MDGA2: variants seen among roughly 807,000 people sequenced by gnomAD.
MDGA2 encodes MAM domain containing glycosylphosphatidylinositol anchor 2, also known as MAM domain-containing glycosylphosphatidylinositol anchor protein 2.
Under a neutral mutation model 117.8 loss-of-function variants are expected in MDGA2, and 40 were observed. The observed-to-expected ratio is 0.34, with a 90% CI of 0.26 to 0.44. MDGA2 has a LOEUF of 0.44. MDGA2 is among the 20% of genes least tolerant of loss of function. The pLI, the probability that MDGA2 is intolerant of heterozygous loss-of-function variation, is 1.00. For missense variants in MDGA2, 1,123 were observed against 1,250.6 expected (o/e 0.90, Z 1.54); for synonymous variants, 452 against 439.0 (o/e 1.03, Z -0.37).
chr14:47,669,320 T>C (rs1422507955), intron 1 of MDGA2, among the ~76,000 whole-genome samples: 1 of 152,222 alleles, frequency 6.6e-6, no homozygotes, highest in Non-Finnish European at 1.5e-5. Flanking sequence ...ATTACTTTTG[T>C]GACATCTATT....
chr14:47,184,208 T>C (rs1285481476), intron 3 of MDGA2, among the ~76,000 whole-genome samples: 10 of 152,162 alleles, frequency 6.6e-5, no homozygotes, highest in South Asian at 2.1e-4. Context: ...TATTGTCTTA[T>C]TGATTTAAAC....
chr14:47,295,685 C>T (rs1889040640), intron 2 of MDGA2, among the ~76,000 whole-genome samples: 1 of 152,022 alleles, frequency 6.6e-6, no homozygotes, highest in Non-Finnish European at 1.5e-5. Context: ...GGGCGAATCA[C>T]CCGAGGTCAG....
chr14:47,551,332 G>A (rs185492431), intron 1 of MDGA2, among the ~76,000 whole-genome samples: 1 of 152,108 alleles, frequency 6.6e-6, no homozygotes, highest in Non-Finnish European at 1.5e-5. Flanking sequence ...ACTGAAGCCT[G>A]TTCTTTGCCT....
Position 47,213,410 on chromosome 14 carries a change from A to G in MDGA2, c.595+4611T>C, listed in dbSNP as rs116430733. On this transcript the variant is annotated intron_variant, in intron 3 of 16. Coordinates refer to ENST00000399232, the MANE Select transcript of MDGA2 (RefSeq NM_001113498.3). The stretch of plus-strand genomic sequence containing the variant: ...CCTAATGTTTTGAAGTTGCATGCTG[A>G]TATGTGCATTGAAGATTTATTTCAT... Among the ~76,000 whole-genome samples, 1,062 of 152,278 alleles carry G rather than the reference A, an allele frequency of 7.0e-3. 15 individuals carry two copies. Among genetic ancestry groups the G allele is most frequent in the African/African-American group, 0.025 (1,026 of 41,580 alleles).
intron 8 of MDGA2, among the ~76,000 whole-genome samples, chr14:47,024,563 TA>T (rs1888406602): frequency 6.6e-6 from 1 of 152,172 alleles, no homozygotes; most frequent in African/African-American, 2.4e-5. Context: ...ATTATCTTCT[TA>T]AAAAGAAATG....
At chr14:47,441,978 T>C (rs534677268) in intron 1 of MDGA2, among the ~76,000 whole-genome samples, 17 of 152,100 alleles carry the variant, frequency 1.1e-4, no homozygotes, top group Non-Finnish European at 1.9e-4. Flanking sequence ...TCAAGTATAT[T>C]GATTTAAGGT....
intron 1 of MDGA2, among the ~76,000 whole-genome samples, chr14:47,494,807 C>T (rs997912654): frequency 4.0e-5 from 6 of 151,158 alleles, no homozygotes; most frequent in Non-Finnish European, 8.9e-5. Flanking sequence ...TATTTTTTCA[C>T]TTTGTCAAAG....
At chr14:46,950,292 A>G (rs1885324397) in intron 9 of MDGA2, among the ~76,000 whole-genome samples, 1 of 151,914 alleles carries the variant, frequency 6.6e-6, no homozygotes, top group Non-Finnish European at 1.5e-5. Context: ...ATCACTACTA[A>G]AAGAGTCACT....
In MDGA2 at chr14:47,354,822, TAACA is replaced by T. The variant is rs972616618; in HGVS notation, c.281-53276_281-53273del. On this transcript the variant is annotated intron_variant, in intron 1 of 16. Coordinates refer to ENST00000399232, the MANE Select transcript of MDGA2 (RefSeq NM_001113498.3). The stretch of plus-strand genomic sequence containing the variant: ...TGGTCACTGGTAATCTAGATCTGGC[TAACA>T]AACAGTGAAATTAACTGTGAAGATA... 1.0e-3 allele frequency among the ~76,000 whole-genome samples: 158 copies of T among 152,234 alleles called. 3 individuals carry two copies. The highest frequency in any genetic ancestry group is 3.4e-3 in the Middle Eastern group (1 of 294).
At chr14:47,450,479 T>A (rs1440587323) in intron 1 of MDGA2, among the ~76,000 whole-genome samples, 1 of 152,070 alleles carries the variant, frequency 6.6e-6, no homozygotes, top group Admixed American at 6.6e-5. Flanking sequence ...GACAATGACA[T>A]CATTAACATT....
intron 2 of MDGA2, among the ~76,000 whole-genome samples, chr14:47,271,844 G>T (rs190067223): frequency 6.6e-6 from 1 of 151,826 alleles, no homozygotes; most frequent in Non-Finnish European, 1.5e-5. Flanking sequence ...TTTCTCAATT[G>T]TGGTGACCAA....
At chr14:47,623,709 A>C (rs1165232819) in intron 1 of MDGA2, among the ~76,000 whole-genome samples, 1 of 152,206 alleles carries the variant, frequency 6.6e-6, no homozygotes, top group African/African-American at 2.4e-5. Context: ...CTGAAAAAAA[A>C]AATATTGAGG....
intron 7 of MDGA2, among the ~76,000 whole-genome samples, chr14:47,045,863 G>C (rs190743600): frequency 3.7e-4 from 56 of 152,112 alleles, no homozygotes; most frequent in Non-Finnish European, 7.2e-4. Flanking sequence ...TACTTGGGAG[G>C]CTGAGGCAGG....
intron 3 of MDGA2, among the ~76,000 whole-genome samples, chr14:47,207,531 A>C (rs145200423): frequency 9.2e-5 from 14 of 152,076 alleles, no homozygotes; most frequent in African/African-American, 3.1e-4. Context: ...AAGTGGGATT[A>C]AAAAATGGAA....
Position 47,441,687 on chromosome 14 carries a change from C to T in MDGA2, c.281-140137G>A, listed in dbSNP as rs185131685. ...ATTTGTCATGGGTACAAACAACATA[C>T]GACAACTAGCAGAGTATCACAATAT... On this transcript the variant is annotated intron_variant, in intron 1 of 16. Transcript: ENST00000399232. 2.4e-4 allele frequency among the ~76,000 whole-genome samples: 37 copies of T among 152,184 alleles called. No individual in the cohort carries two copies. The South Asian group carries it at 5.2e-3, about 21-fold the overall frequency.
At chr14:47,649,335 G>T (rs528684919) in intron 1 of MDGA2, among the ~76,000 whole-genome samples, 1 of 152,208 alleles carries the variant, frequency 6.6e-6, no homozygotes, top group South Asian at 2.1e-4. Context: ...TTAATTCTGT[G>T]GCTCCAGTAA....
intron 1 of MDGA2, among the ~76,000 whole-genome samples, chr14:47,611,504 A>C (rs1397126826): frequency 6.6e-6 from 1 of 152,092 alleles, no homozygotes; most frequent in Non-Finnish European, 1.5e-5. Flanking sequence ...ACTCAAAAAA[A>C]ATCAGCAAAA....
intron 8 of MDGA2, among the ~76,000 whole-genome samples, chr14:46,989,937 G>T (rs116391841): frequency 0.017 from 2,623 of 152,134 alleles, 68 homozygotes; most frequent in African/African-American, 0.06. Flanking sequence ...TCCATATTAT[G>T]AAATTAAAAT....
chr14:46,842,241 G>A (rs780420309), intron 16 of MDGA2, among the ~76,000 whole-genome samples: 3 of 152,118 alleles, frequency 2.0e-5, no homozygotes, highest in African/African-American at 7.2e-5. Flanking sequence ...TACAGATTTT[G>A]AATTGATATA....
Sources: allele counts gnomAD v4.1 joint callset (sites outside exome capture counted in the v4.1 genomes callset), GRCh38; gene constraint gnomAD v4.1.1; transcripts MANE v1.5; gene names NCBI Gene and HGNC (gene_info 2026-07-23, HGNC 2026-07-21).